Variants in DISP1 observed in about 807,000 individuals in gnomAD.
The protein encoded by DISP1 is protein dispatched homolog 1.
A neutral mutation model predicts 37.3 loss-of-function variants in DISP1; 30 were observed. That is an observed-to-expected ratio of 0.80 (90% CI 0.60 to 1.09). The LOEUF (loss-of-function observed/expected upper bound fraction) is 1.09, where lower values mean the gene tolerates loss of function less well. Among genes scored for constraint, DISP1 ranks in the 50% least tolerant of loss-of-function variants. DISP1 has a pLI of 0.00. For missense variants in DISP1, 1,598 were observed against 1,879.5 expected (o/e 0.85, Z 2.77); for synonymous variants, 634 against 690.2 (o/e 0.92, Z 1.28).
At chr1:222,937,008 ATATT>A (rs1030207922) in intron 2 of DISP1, among the ~76,000 whole-genome samples, 2 of 99,594 alleles carry the variant, frequency 2.0e-5, no homozygotes, top group African/African-American at 3.8e-5. Flanking sequence ...ATAATATAGA[ATATT>A]ATATATTATA....
intron 3 of DISP1, among the ~76,000 whole-genome samples, chr1:222,964,390 C>G (rs949401214): frequency 3.3e-5 from 5 of 151,990 alleles, no homozygotes; most frequent in African/African-American, 1.2e-4. Context: ...TGATTCGAAG[C>G]CTTCCTCTTA....
At chr1:222,948,947 C>T (rs973047181) in intron 3 of DISP1, among the ~76,000 whole-genome samples, 2 of 152,160 alleles carry the variant, frequency 1.3e-5, no homozygotes, top group African/African-American at 2.4e-5. Context: ...ATAATTTTAA[C>T]GTAGGCCATT....
At chr1:222,862,367 A>T (rs1668923939) in intron 1 of DISP1, among the ~76,000 whole-genome samples, 1 of 152,080 alleles carries the variant, frequency 6.6e-6, no homozygotes, top group Admixed American at 6.6e-5. Context: ...TTTACTCCTA[A>T]ACACTTTAGT....
chr1:222,836,100 T>C (rs1394461475), intron 1 of DISP1, among the ~76,000 whole-genome samples: 2 of 152,176 alleles, frequency 1.3e-5, no homozygotes, highest in African/African-American at 4.8e-5. Context: ...TGTTTTATTT[T>C]CTGAGGGCAC....
At chr1:222,923,032 G>A (rs986519166) in intron 1 of DISP1, among the ~76,000 whole-genome samples, 3 of 152,156 alleles carry the variant, frequency 2.0e-5, no homozygotes, top group Non-Finnish European at 4.4e-5. Flanking sequence ...GTGAAGGAAC[G>A]AGATGGGGTT....
At chr1:222,901,822 A>G (rs182641803) in intron 1 of DISP1, among the ~76,000 whole-genome samples, 119 of 152,292 alleles carry the variant, frequency 7.8e-4, no homozygotes, top group Non-Finnish European at 1.4e-3. Flanking sequence ...CCACTGTCCA[A>G]TACTTATAGA....
intron 8 of DISP1, among the ~76,000 whole-genome samples, chr1:222,998,290 A>T (rs761381863): frequency 6.6e-6 from 1 of 151,290 alleles, no homozygotes; most frequent in South Asian, 2.1e-4. Flanking sequence ...ATTAACAACT[A>T]TGAAGTTAAA....
rs558462511 is a variant in DISP1 at position 222,994,352 on chromosome 1, T to C, written c.890-533T>C. Among the ~76,000 whole-genome samples the C allele has an allele frequency of 2.6e-5, 4 of 152,342 alleles. No homozygotes were observed. The East Asian group carries it at 7.7e-4, about 29-fold the overall frequency. Reference sequence around the variant, plus strand: ...GTTAATCTGATTTTCAAAATATTTTTTCTAGCCTCTAGTGTACCAGAGAGA... The same window carrying C: ...GTTAATCTGATTTTCAAAATATTTTCTCTAGCCTCTAGTGTACCAGAGAGA... On this transcript the variant is annotated intron_variant, in intron 7 of 8. Coordinates refer to ENST00000675850, the MANE Select transcript of DISP1 (RefSeq NM_001377229.1).
At chr1:222,957,223 A>G (rs1675672738) in intron 3 of DISP1, among the ~76,000 whole-genome samples, 1 of 151,350 alleles carries the variant, frequency 6.6e-6, no homozygotes, top group East Asian at 1.9e-4. Context: ...CCAGAGCCAC[A>G]TTATATTTTG....
Position 222,942,885 on chromosome 1 carries a change from G to T in DISP1, c.62G>T (p.Ser21Ile). The T allele has an allele frequency of 1.9e-6, 3 of 1,614,148 alleles. No individual in the cohort carries two copies. Among genetic ancestry groups the T allele is most frequent in the Non-Finnish European group, 2.5e-6 (3 of 1,180,014 alleles). The change falls in exon 3 of 9, where the codon AGT (serine) becomes ATT (isoleucine). Residue 21 changes from serine (S) to isoleucine (I), a missense_variant. Transcript: ENST00000675850. ...CTGAGCAACAGCAGCATCGCAACCAGTGCTGCTAACCCGAGTCCCCTCACC... is the reference window on the plus strand; with the variant it reads ...CTGAGCAACAGCAGCATCGCAACCATTGCTGCTAACCCGAGTCCCCTCACC... ...VVLSNSSIAT[S>I]AANPSPLTPC...
In DISP1 at chr1:222,938,950, C is replaced by T. The variant is rs186670633; in HGVS notation, c.-17-3857C>T. Among the ~76,000 whole-genome samples the T allele has an allele frequency of 5.9e-4, 89 of 152,074 alleles. 1 individual carries two copies. Among genetic ancestry groups the T allele is most frequent in the Middle Eastern group, 3.4e-3 (1 of 294 alleles). On this transcript the variant is annotated intron_variant, in intron 2 of 8. Coordinates refer to ENST00000675850, the MANE Select transcript of DISP1 (RefSeq NM_001377229.1). ...ATAGACAGTTCATAAAATATTTTTT[C>T]TGTTTTTGCTTCTAAATTTTTTTAC...
chr1:222,925,026 C>T (rs771621982), intron 1 of DISP1, among the ~76,000 whole-genome samples: 2 of 152,068 alleles, frequency 1.3e-5, no homozygotes, highest in Non-Finnish European at 2.9e-5. Flanking sequence ...ATCGTAAGGT[C>T]ACTAGTACTT....
intron 3 of DISP1, among the ~76,000 whole-genome samples, chr1:222,976,248 A>G (rs140397004): frequency 3.7e-4 from 56 of 152,264 alleles, no homozygotes; most frequent in African/African-American, 1.3e-3. Flanking sequence ...GGTGAAGGTC[A>G]TCCGTAGGTT....
At chr1:222,858,377 A>G (rs1558296503) in intron 1 of DISP1, among the ~76,000 whole-genome samples, 2 of 152,172 alleles carry the variant, frequency 1.3e-5, no homozygotes. Context: ...CATAACAACC[A>G]TAGAAGAAAA....
intron 1 of DISP1, among the ~76,000 whole-genome samples, chr1:222,838,056 A>C (rs1184105194): frequency 6.6e-6 from 1 of 152,128 alleles, no homozygotes; most frequent in African/African-American, 2.4e-5. Flanking sequence ...CTGCCATTTA[A>C]ATTTTTTTCC....
chr1:222,855,475 GT>G (rs1318690060), intron 1 of DISP1, among the ~76,000 whole-genome samples: 2 of 152,214 alleles, frequency 1.3e-5, no homozygotes, highest in East Asian at 3.8e-4. Flanking sequence ...TTAGAAAGCA[GT>G]GTATTTTAGC....
intron 2 of DISP1, among the ~76,000 whole-genome samples, chr1:222,936,702 CATATATATT>C (rs1350229838): frequency 1.2e-5 from 1 of 85,152 alleles, no homozygotes; most frequent in African/African-American, 4.4e-5. Context: ...TGATATATAT[CATATATATT>C]ATATATCATA....
At chr1:222,907,423 T>A (rs1671961726) in intron 1 of DISP1, among the ~76,000 whole-genome samples, 1 of 152,180 alleles carries the variant, frequency 6.6e-6, no homozygotes, top group Non-Finnish European at 1.5e-5. Context: ...ATGCAAATTC[T>A]AGGGCCAACC....
chr1:222,960,273 G>A (rs1472588210), intron 3 of DISP1, among the ~76,000 whole-genome samples: 1 of 152,016 alleles, frequency 6.6e-6, no homozygotes, highest in East Asian at 1.9e-4. Context: ...GTAACAGTCT[G>A]TCAGACCACA....
Sources: gnomAD v4.1 joint callset for allele counts (sites outside exome capture counted in the v4.1 genomes callset) on GRCh38, gnomAD v4.1.1 for gene constraint, MANE v1.5 for transcripts, NCBI Gene and HGNC (gene_info 2026-07-23, HGNC 2026-07-21) for gene names.